Variants in SPECC1L observed in about 807,000 individuals in gnomAD.
The protein encoded by SPECC1L is sperm antigen with calponin homology and coiled-coil domains 1 like.
SPECC1L carries 40 observed loss-of-function variants against 116.8 expected under a neutral mutation model. That is an observed-to-expected ratio of 0.34 (90% CI 0.27 to 0.45). The LOEUF (loss-of-function observed/expected upper bound fraction) is 0.45. Ranked by LOEUF, SPECC1L falls within the 20% of genes least tolerant of loss-of-function variation. The pLI is 1.00. For synonymous variants in SPECC1L, 504 were observed against 500.6 expected (o/e 1.01, Z -0.09); for missense variants, 1,110 against 1,373.6 (o/e 0.81, Z 3.03).
intron 14 of SPECC1L, among the ~76,000 whole-genome samples, chr22:24,405,316 C>T (rs2042563676): frequency 2.6e-5 from 4 of 152,122 alleles, no homozygotes; most frequent in Admixed American, 2.0e-4. Flanking sequence ...CGTGGTATTG[C>T]TCCATGTGCA....
At chr22:24,317,615 T>C (rs866007821) in intron 4 of SPECC1L, among the ~76,000 whole-genome samples, 374 of 11,954 alleles carry the variant, frequency 0.031, no homozygotes, top group Admixed American at 0.034. Context: ...GGGGGGCTGA[T>C]CCCCCCACCT....
At chr22:24,297,551 G>A (rs1339157685) in intron 2 of SPECC1L, among the ~76,000 whole-genome samples, 3 of 152,188 alleles carry the variant, frequency 2.0e-5, no homozygotes, top group East Asian at 1.9e-4. Context: ...ATATGATTGT[G>A]TCATGCGCAT....
chr22:24,321,450 G>T lies in SPECC1L; in HGVS notation c.470G>T (p.Arg157Leu), dbSNP rs201337978. The change falls in exon 5 of 17, where the codon CGA becomes CTA. Residue 157 changes from arginine (R) to leucine (L), a missense_variant. Arg to Leu is a moderately radical substitution (Grantham distance 102). Coordinates refer to ENST00000314328, the MANE Select transcript of SPECC1L (RefSeq NM_015330.6). ...DMALAKRSRS[R>L]TATECDVRMS... is the part of the protein sequence containing the mutation. The stretch of plus-strand genomic sequence containing the variant: ...GCATTGGCCAAACGTTCCCGCAGTC[G>T]AACTGCTACAGAATGTGACGTTCGT... 1.2e-6 allele frequency: 2 copies of T among 1,614,228 alleles called. No homozygotes were observed. Among genetic ancestry groups the T allele is most frequent in the Non-Finnish European group, 1.7e-6 (2 of 1,180,042 alleles).
At chr22:24,323,046 TA>T in intron 5 of SPECC1L, 128 bp downstream of exon 5, 1 of 1,418,922 alleles carries the variant, frequency 7.0e-7, no homozygotes, top group South Asian at 1.6e-5. Flanking sequence ...CTGATATTTT[TA>T]AAACTTGGGA....
intron 3 of SPECC1L, among the ~76,000 whole-genome samples, chr22:24,303,128 C>G (rs1308550838): frequency 1.3e-5 from 2 of 152,120 alleles, no homozygotes; most frequent in Non-Finnish European, 2.9e-5. Context: ...CAACTGGAAA[C>G]ATGATCTGTT....
chr22:24,394,783 C>T (rs2042336210), intron 14 of SPECC1L, among the ~76,000 whole-genome samples: 1 of 152,204 alleles, frequency 6.6e-6, no homozygotes, highest in Admixed American at 6.5e-5. Context: ...TGGTGTTAAG[C>T]ATCTTTCCAC....
At chr22:24,385,565 A>C (rs2146711767) in intron 14 of SPECC1L, among the ~76,000 whole-genome samples, 1 of 152,358 alleles carries the variant, frequency 6.6e-6, no homozygotes, top group South Asian at 2.1e-4. Context: ...ATTTCAAAGC[A>C]TCATTTCTCA....
chr22:24,335,221 CT>C (rs1465952170), intron 9 of SPECC1L, among the ~76,000 whole-genome samples: 1 of 152,232 alleles, frequency 6.6e-6, no homozygotes, highest in African/African-American at 2.4e-5. Flanking sequence ...CCATCAACCA[CT>C]AATTTCAGTA....
intron 16 of SPECC1L, among the ~76,000 whole-genome samples, chr22:24,414,145 G>A (rs917866265): frequency 3.9e-4 from 59 of 152,206 alleles, no homozygotes; most frequent in African/African-American, 1.3e-3. Flanking sequence ...GGGAGCCCCC[G>A]ACAGAGAGAA....
chr22:24,326,345 G>C (rs1037217432), intron 6 of SPECC1L, among the ~76,000 whole-genome samples: 1 of 152,104 alleles, frequency 6.6e-6, no homozygotes, highest in South Asian at 2.1e-4. Context: ...CTTACTCCTC[G>C]TCTTATGTCC....
At chr22:24,313,593 T>C in intron 4 of SPECC1L, 127 bp downstream of exon 4, 6 of 1,111,116 alleles carry the variant, frequency 5.4e-6, no homozygotes, top group South Asian at 4.0e-5. Flanking sequence ...TGGATTGATA[T>C]TTCAGCCCAA....
intron 1 of SPECC1L, among the ~76,000 whole-genome samples, chr22:24,273,762 A>T (rs1006769040): frequency 6.6e-6 from 1 of 152,062 alleles, no homozygotes; most frequent in African/African-American, 2.4e-5. Flanking sequence ...CTTTTTTATT[A>T]GATATAATTG....
chr22:24,283,522 G>A (rs1341867418), intron 2 of SPECC1L, among the ~76,000 whole-genome samples: 2 of 152,158 alleles, frequency 1.3e-5, no homozygotes, highest in Non-Finnish European at 2.9e-5. Flanking sequence ...ATTTTCACGA[G>A]AGATATGGGT....
At chr22:24,327,296 A>AAAAAAAAAAC (rs1556236760) in intron 6 of SPECC1L, among the ~76,000 whole-genome samples, 3 of 149,956 alleles carry the variant, frequency 2.0e-5, no homozygotes, top group Admixed American at 6.6e-5. Flanking sequence ...AAAAAAAAAA[A>AAAAAAAAAAC]AAAAAACATC....
intron 9 of SPECC1L, among the ~76,000 whole-genome samples, chr22:24,337,621 A>G (rs1250699226): frequency 6.6e-6 from 1 of 152,246 alleles, no homozygotes; most frequent in Non-Finnish European, 1.5e-5. Flanking sequence ...TAAAGATATC[A>G]ATTCTAAATA....
chr22:24,374,824 G>C (rs2041940802), intron 14 of SPECC1L, among the ~76,000 whole-genome samples: 3 of 150,870 alleles, frequency 2.0e-5, no homozygotes. Flanking sequence ...AAAATAAGCA[G>C]AAGGAAGGAA....
chr22:24,413,414 A>C (rs2042739940), intron 16 of SPECC1L, among the ~76,000 whole-genome samples: 1 of 152,214 alleles, frequency 6.6e-6, no homozygotes, highest in Admixed American at 6.5e-5. Flanking sequence ...CGGGATTTTC[A>C]GAAAGGGCGG....
intron 13 of SPECC1L, among the ~76,000 whole-genome samples, chr22:24,365,991 T>G (rs1449177349): frequency 6.7e-6 from 1 of 150,268 alleles, no homozygotes; most frequent in South Asian, 2.1e-4. Flanking sequence ...ACAGGGAGGG[T>G]GGGGGGCATG....
chr22:24,352,198 A>G (rs941581899), intron 11 of SPECC1L, among the ~76,000 whole-genome samples: 1 of 152,200 alleles, frequency 6.6e-6, no homozygotes, highest in African/African-American at 2.4e-5. Context: ...ATCTTTGTAG[A>G]TAGTATATGA....
Sources: gnomAD v4.1 joint callset for allele counts (sites outside exome capture counted in the v4.1 genomes callset) on GRCh38, gnomAD v4.1.1 for gene constraint, MANE v1.5 for transcripts, NCBI Gene and HGNC (gene_info 2026-07-23, HGNC 2026-07-21) for gene names.